The following CADPS variants were observed in gnomAD, a reference collection of about 807,000 sequenced individuals.
The protein encoded by CADPS is calcium-dependent secretion activator 1.
A neutral mutation model predicts 167.3 loss-of-function variants in CADPS; 57 were observed. The ratio of observed to expected loss-of-function variants is 0.34; its 90% CI spans 0.28 to 0.42. The LOEUF (loss-of-function observed/expected upper bound fraction) is 0.42, where lower values mean the gene tolerates loss of function less well. Among genes scored for constraint, CADPS ranks in the 20% least tolerant of loss-of-function variants. The pLI is 1.00. For synonymous variants in CADPS, 676 were observed against 635.3 expected (o/e 1.06, Z -0.96); for missense variants, 1,414 against 1,738.1 (o/e 0.81, Z 3.32).
At chr3:62,533,125 T>A in intron 12 of CADPS, 67 bp from the exon 13 acceptor site, 2 of 1,419,726 alleles carry the variant, frequency 1.4e-6, no homozygotes, top group South Asian at 2.5e-5. Flanking sequence ...CTGCTAGAGT[T>A]GGGAGTGGCT....
In CADPS at chr3:62,403,197, G is replaced by A. The variant is rs373413845; in HGVS notation, c.3778-12C>T. ...CTGTTGTACCATTGCTGAAAAAAGA[G>A]ACAAAAGTTCTCCAGCCAACACATC... On this transcript the variant is annotated splice_polypyrimidine_tract_variant and intron_variant, in intron 28 of 29. Transcript: ENST00000383710. The A allele has an allele frequency of 6.3e-7, 1 of 1,596,790 alleles. No homozygotes were observed. The highest frequency in any genetic ancestry group is 2.2e-5 in the East Asian group (1 of 44,766).
chr3:62,776,612 C>T (rs968010739), intron 1 of CADPS, among the ~76,000 whole-genome samples: 3 of 152,086 alleles, frequency 2.0e-5, no homozygotes, highest in African/African-American at 4.8e-5. Flanking sequence ...GGAGATTGCG[C>T]CACTGCACTC....
rs1020854478 is a variant in CADPS at position 62,768,628 on chromosome 3, A to C, written c.442-2644T>G. Among the ~76,000 whole-genome samples, 8 of 152,176 alleles carry C rather than the reference A, an allele frequency of 5.3e-5. No individual in the cohort carries two copies. The East Asian group carries it at 1.4e-3, about 26-fold the overall frequency. On this transcript the variant is annotated intron_variant, in intron 1 of 29. Transcript: ENST00000383710. ...CAGTGGTCAACACACTCAACCCCTG[A>C]TCTCACCTGTTACTTCTTAGGGCTG...
chr3:62,698,646 TCTTC>T (rs1254751687), intron 3 of CADPS, among the ~76,000 whole-genome samples: 1 of 135,254 alleles, frequency 7.4e-6, no homozygotes, highest in Admixed American at 7.6e-5. Flanking sequence ...TCCTTCTCCT[TCTTC>T]TCTTTCTTAT....
intron 1 of CADPS, among the ~76,000 whole-genome samples, chr3:62,843,492 G>GGTGTGTGTGTGTGTGTGTGTGTGT (rs150223612): frequency 5.8e-4 from 86 of 149,110 alleles, no homozygotes; most frequent in South Asian, 4.9e-3. Flanking sequence ...TGGCAGTTGG[G>GGTGTGTGTGTGTGTGTGTGTGTGT]GTGTGTGTGT....
At chr3:62,719,243 T>A (rs6445297) in intron 3 of CADPS, among the ~76,000 whole-genome samples, 1 of 151,970 alleles carries the variant, frequency 6.6e-6, no homozygotes, top group African/African-American at 2.4e-5. Flanking sequence ...CATACAGACT[T>A]TCTTTCAACC....
At chr3:62,623,573 C>A (rs1030287614) in intron 6 of CADPS, among the ~76,000 whole-genome samples, 1 of 152,012 alleles carries the variant, frequency 6.6e-6, no homozygotes, top group South Asian at 2.1e-4. Context: ...AAGAATCAAG[C>A]CCTAAATTGA....
chr3:62,581,656 G>A (rs951522901), intron 8 of CADPS, among the ~76,000 whole-genome samples: 5 of 151,990 alleles, frequency 3.3e-5, no homozygotes, highest in African/African-American at 1.2e-4. Context: ...ACTCCAGTCT[G>A]GGTCACAGAG....
Position 62,753,583 on chromosome 3 carries a change from T to G in CADPS, c.746A>C (p.Glu249Ala). The G allele has an allele frequency of 6.2e-7, 1 of 1,614,188 alleles. No homozygotes were observed. Among genetic ancestry groups the G allele is most frequent in the Non-Finnish European group, 8.5e-7 (1 of 1,180,032 alleles). Reference sequence around the variant, plus strand: ...CCGGGCCTGCTGCTTCCGCGGGTCCTCTTCTCCACGGTAGATGGCATCAAA... The same window carrying G: ...CCGGGCCTGCTGCTTCCGCGGGTCCGCTTCTCCACGGTAGATGGCATCAAA... Reference protein sequence around the residue: ...AKFDAIYRGEEDPRKQQARMT... With the variant: ...AKFDAIYRGEADPRKQQARMT... Residue 249 changes from glutamate (E) to alanine (A), a missense_variant, in exon 3 of 30, where the codon GAG becomes GCG. Coordinates refer to ENST00000383710, the MANE Select transcript of CADPS (RefSeq NM_003716.4). The surrounding 1 kb of genome is among the most constrained non-coding windows in gnomAD (Gnocchi z 4.6).
At chr3:62,560,224 G>A (rs1012497307) in intron 9 of CADPS, among the ~76,000 whole-genome samples, 3 of 152,244 alleles carry the variant, frequency 2.0e-5, no homozygotes, top group African/African-American at 4.8e-5. Flanking sequence ...ATTTTGGGGG[G>A]AATCTCACTT....
At chr3:62,620,541 T>C (rs748000731) in intron 6 of CADPS, among the ~76,000 whole-genome samples, 1 of 152,142 alleles carries the variant, frequency 6.6e-6, no homozygotes, top group Non-Finnish European at 1.5e-5. Context: ...CACAACAACC[T>C]TATAGAGCAG....
At chr3:62,696,714 T>A (rs2151430069) in intron 3 of CADPS, among the ~76,000 whole-genome samples, 1 of 152,220 alleles carries the variant, frequency 6.6e-6, no homozygotes, top group South Asian at 2.1e-4. Flanking sequence ...ATTCTTGATG[T>A]TCGATCCTCT....
chr3:62,721,430 G>C (rs1319759004), intron 3 of CADPS, among the ~76,000 whole-genome samples: 4 of 152,152 alleles, frequency 2.6e-5, no homozygotes, highest in African/African-American at 9.7e-5. Context: ...ACAACAGTAG[G>C]AAAGTTGGAA....
chr3:62,723,831 G>T (rs1245254021), intron 3 of CADPS, among the ~76,000 whole-genome samples: 1 of 152,210 alleles, frequency 6.6e-6, no homozygotes, highest in Admixed American at 6.5e-5. Flanking sequence ...GCCTCTGCGG[G>T]CTCTGTCTGG....
intron 1 of CADPS, among the ~76,000 whole-genome samples, chr3:62,786,790 A>T (rs2092477961): frequency 6.6e-6 from 1 of 152,238 alleles, no homozygotes; most frequent in African/African-American, 2.4e-5. Flanking sequence ...TTTTCAAAAA[A>T]ATGTAAAGAT....
At chr3:62,496,998 G>T (rs2064913441) in intron 18 of CADPS, among the ~76,000 whole-genome samples, 1 of 152,162 alleles carries the variant, frequency 6.6e-6, no homozygotes, top group African/African-American at 2.4e-5. Flanking sequence ...AAGTTTTAAA[G>T]TTGGTAATGG....
chr3:62,722,290 C>T (rs979351196), intron 3 of CADPS, among the ~76,000 whole-genome samples: 1 of 152,226 alleles, frequency 6.6e-6, no homozygotes, highest in African/African-American at 2.4e-5. Flanking sequence ...GAGGCAAAGG[C>T]TGCAGGGCAC....
At chr3:62,741,526 A>AT (rs982348412) in intron 3 of CADPS, among the ~76,000 whole-genome samples, 12 of 152,242 alleles carry the variant, frequency 7.9e-5, no homozygotes, top group African/African-American at 2.9e-4. Context: ...CAAAAACCAC[A>AT]TGACTATCTC....
intron 3 of CADPS, among the ~76,000 whole-genome samples, chr3:62,687,833 A>G (rs2151199373): frequency 6.6e-6 from 1 of 151,150 alleles, no homozygotes. Flanking sequence ...GAACTTTCAA[A>G]TATATTAGAC....
Sources: allele counts gnomAD v4.1 joint callset (sites outside exome capture counted in the v4.1 genomes callset), GRCh38; gene constraint gnomAD v4.1.1; non-coding constraint Gnocchi (gnomAD v3.1); transcripts MANE v1.5; gene names NCBI Gene and HGNC (gene_info 2026-07-23, HGNC 2026-07-21).